The following BMPR1B variants were observed in gnomAD, a reference collection of about 807,000 sequenced individuals.
BMPR1B encodes bone morphogenetic protein receptor type 1B.
A neutral mutation model predicts 59.1 loss-of-function variants in BMPR1B; 12 were observed. The ratio of observed to expected loss-of-function variants is 0.20; its 90% CI spans 0.13 to 0.33. BMPR1B has a LOEUF of 0.33. Among genes scored for constraint, BMPR1B ranks in the 10% least tolerant of loss-of-function variants. The probability of loss-of-function intolerance (pLI) is 1.00; values close to 1 mark genes in which losing one functional copy is unlikely to be tolerated. For missense variants in BMPR1B, 550 were observed against 610.9 expected (o/e 0.90, Z 1.05); for synonymous variants, 237 against 207.3 (o/e 1.14, Z -1.23).
At chr4:94,840,989 C>T (rs1196247651) in intron 1 of BMPR1B, among the ~76,000 whole-genome samples, 2 of 146,932 alleles carry the variant, frequency 1.4e-5, no homozygotes, top group African/African-American at 2.5e-5. Flanking sequence ...ACAGACAGGA[C>T]CCTCAGCTGC....
chr4:95,022,093 C>CGA (rs1405995960), intron 3 of BMPR1B, among the ~76,000 whole-genome samples: 10 of 152,036 alleles, frequency 6.6e-5, no homozygotes, highest in Admixed American at 1.3e-4. Flanking sequence ...CGTTAGATGG[C>CGA]GAGAGGCTTT....
intron 2 of BMPR1B, among the ~76,000 whole-genome samples, chr4:94,974,855 T>A (rs1326993094): frequency 2.0e-5 from 3 of 152,092 alleles, no homozygotes; most frequent in Non-Finnish European, 4.4e-5. Context: ...AACACACAAA[T>A]AGACACACAT....
At chr4:94,812,715 T>C (rs35184449) in intron 1 of BMPR1B, among the ~76,000 whole-genome samples, 12,787 of 152,168 alleles carry the variant, frequency 0.084, 629 homozygotes, top group African/African-American at 0.15. Context: ...GAGCACGGAA[T>C]GGACAGGAGA....
chr4:94,786,771 C>T (rs1472166384), intron 1 of BMPR1B, among the ~76,000 whole-genome samples: 1 of 152,056 alleles, frequency 6.6e-6, no homozygotes, highest in East Asian at 1.9e-4. Flanking sequence ...GTCTTGATCT[C>T]CTGACCTCGT....
At chr4:94,782,323 T>C (rs1722620974) in intron 1 of BMPR1B, among the ~76,000 whole-genome samples, 1 of 80,230 alleles carries the variant, frequency 1.2e-5, no homozygotes, top group South Asian at 3.6e-4. Context: ...AATTTTTTAA[T>C]GTTAATTTTT....
chr4:94,974,569 C>T (rs1446079157), intron 2 of BMPR1B, among the ~76,000 whole-genome samples: 2 of 152,098 alleles, frequency 1.3e-5, no homozygotes, highest in Non-Finnish European at 2.9e-5. Flanking sequence ...GTATTTCTTA[C>T]CTTTTCCTTT....
At chr4:94,929,858 C>T (rs62316217) in intron 2 of BMPR1B, among the ~76,000 whole-genome samples, 2,999 of 152,130 alleles carry the variant, frequency 0.02, 50 homozygotes, top group Non-Finnish European at 0.031. Flanking sequence ...AAGCTAACCT[C>T]GTCTTCCCTT....
intron 4 of BMPR1B, among the ~76,000 whole-genome samples, chr4:95,113,178 T>C (rs111615304): frequency 0.038 from 5,843 of 152,232 alleles, 177 homozygotes; most frequent in Middle Eastern, 0.099. Context: ...TTTATAGCAA[T>C]TTCAGTAAAT....
intron 3 of BMPR1B, among the ~76,000 whole-genome samples, chr4:95,086,706 G>A (rs1560642563): frequency 6.6e-6 from 1 of 152,144 alleles, no homozygotes; most frequent in African/African-American, 2.4e-5. Flanking sequence ...AAATTAGTCA[G>A]CATTAGTGTA....
intron 10 of BMPR1B, among the ~76,000 whole-genome samples, chr4:95,140,006 T>C (rs1734104440): frequency 6.6e-6 from 1 of 152,212 alleles, no homozygotes; most frequent in Admixed American, 6.5e-5. Context: ...ACTCATCTTC[T>C]GCGTCGCTCA....
At chr4:94,903,472 T>A (rs1727910114) in intron 2 of BMPR1B, among the ~76,000 whole-genome samples, 2 of 151,956 alleles carry the variant, frequency 1.3e-5, no homozygotes, top group East Asian at 3.9e-4. Context: ...GACAAATTAC[T>A]TCCATAAAAA....
Position 95,004,420 on chromosome 4 carries a change from T to G in BMPR1B, c.-18+8286T>G, listed in dbSNP as rs1722675890. Among the ~76,000 whole-genome samples the G allele has an allele frequency of 2.0e-5, 3 of 152,220 alleles. No individual in the cohort carries two copies. In the South Asian group the frequency reaches 6.2e-4, roughly 32 times the overall value. Reference sequence around the variant, plus strand: ...TACACCTTATAGTTGATAAGCAGGTTGTTCTTCTATTATTTGTAATATTAT... The same window carrying G: ...TACACCTTATAGTTGATAAGCAGGTGGTTCTTCTATTATTTGTAATATTAT... On this transcript the variant is annotated intron_variant, in intron 3 of 12. Transcript: ENST00000515059.
intron 2 of BMPR1B, among the ~76,000 whole-genome samples, chr4:94,947,648 GA>G (rs1729770396): frequency 6.6e-6 from 1 of 152,208 alleles, no homozygotes; most frequent in African/African-American, 2.4e-5. Flanking sequence ...AGACAGACAG[GA>G]TTTTGGAGTC....
intron 3 of BMPR1B, among the ~76,000 whole-genome samples, chr4:95,065,522 G>GTTCAC (rs1727734510): frequency 6.6e-6 from 1 of 152,064 alleles, no homozygotes; most frequent in South Asian, 2.1e-4. Flanking sequence ...GAATAAGGGA[G>GTTCAC]GTGAAGGAAC....
Position 94,849,589 on chromosome 4 carries a change from G to C in BMPR1B, c.-182-26242G>C, listed in dbSNP as rs375860181. ...GGAATGATCTAGTAGAGAGAGAAAA[G>C]AGAGAAGGGGAAACTGCTGTAGTGC... On this transcript the variant is annotated intron_variant, in intron 1 of 12. Transcript: ENST00000515059. Among the ~76,000 whole-genome samples, 24 of 152,222 alleles carry C rather than the reference G, an allele frequency of 1.6e-4. No individual in the cohort carries two copies. The South Asian group carries it at 3.5e-3, about 22-fold the overall frequency.
intron 2 of BMPR1B, among the ~76,000 whole-genome samples, chr4:94,880,556 C>T (rs1445882704): frequency 6.6e-6 from 1 of 151,872 alleles, no homozygotes; most frequent in Non-Finnish European, 1.5e-5. Flanking sequence ...AACTTCTCAG[C>T]TCAAGCAGTC....
intron 2 of BMPR1B, among the ~76,000 whole-genome samples, chr4:94,948,193 C>T (rs964197375): frequency 3.1e-4 from 47 of 152,334 alleles, no homozygotes; most frequent in South Asian, 2.5e-3. Context: ...TTGCCTTTCT[C>T]TAACTTTAGT....
intron 3 of BMPR1B, chr4:95,103,340 A>G (rs1730960619): frequency 1.7e-6 from 1 of 594,722 alleles, no homozygotes; most frequent in African/African-American, 2.0e-5. Flanking sequence ...CTTCTGACCT[A>G]AAATTTCAAT....
intron 4 of BMPR1B, among the ~76,000 whole-genome samples, chr4:95,111,192 T>C (rs890764104): frequency 2.6e-5 from 4 of 152,080 alleles, no homozygotes; most frequent in Non-Finnish European, 5.9e-5. Flanking sequence ...CTTTCAAATT[T>C]CCTATCACTT....
Sources: gnomAD v4.1 joint callset for allele counts (sites outside exome capture counted in the v4.1 genomes callset) on GRCh38, gnomAD v4.1.1 for gene constraint, MANE v1.5 for transcripts, NCBI Gene and HGNC (gene_info 2026-07-23, HGNC 2026-07-21) for gene names.